USP28: variants seen among roughly 807,000 people sequenced by gnomAD.
USP28 encodes the protein ubiquitin carboxyl-terminal hydrolase 28.
USP28 carries 113 observed loss-of-function variants against 145.0 expected under a neutral mutation model. That is an observed-to-expected ratio of 0.78 (90% confidence interval 0.67 to 0.91). The LOEUF (loss-of-function observed/expected upper bound fraction) is 0.91. USP28 is among the 40% of genes least tolerant of loss of function. USP28 has a pLI of 0.00. For missense variants in USP28, 1,201 were observed against 1,289.6 expected, an observed-to-expected ratio of 0.93 and a Z score of 1.05; for synonymous variants, 447 against 450.9, an observed-to-expected ratio of 0.99 and a Z score of 0.11.
chr11:113,870,473 G>A (rs1393951254), intron 1 of USP28, among the ~76,000 whole-genome samples: 4 of 152,262 alleles, frequency 2.6e-5, no homozygotes, highest in Non-Finnish European at 5.9e-5. Flanking sequence ...GCCAAAGTGA[G>A]CTATAATCAC....
At chr11:113,805,010 C>T (rs1189737696) in exon 20 of USP28, 1 of 1,613,898 alleles carries the variant, frequency 6.2e-7, no homozygotes, top group Non-Finnish European at 8.5e-7. Flanking sequence ...GTCTCTTTGG[C>T]AAGCTGATAG....
chr11:113,845,848 C>CACAG (rs1365829207), intron 3 of USP28, among the ~76,000 whole-genome samples: 1 of 152,134 alleles, frequency 6.6e-6, no homozygotes, highest in Non-Finnish European at 1.5e-5. Context: ...GTGCTGGGAT[C>CACAG]ACAGATATGA....
chr11:113,806,702 C>T, intron 18 of USP28, 118 bp from the exon 20 acceptor site: 1 of 637,964 alleles, frequency 1.6e-6, no homozygotes, highest in Non-Finnish European at 2.6e-6. Flanking sequence ...TGCTCTTTGG[C>T]CAGCATGTAT....
intron 3 of USP28, among the ~76,000 whole-genome samples, chr11:113,851,979 T>C (rs1461731256): frequency 6.6e-6 from 1 of 152,200 alleles, no homozygotes; most frequent in African/African-American, 2.4e-5. Context: ...TGGCACATAG[T>C]TGGTCCTCAC....
At chr11:113,872,987 G>A (rs1029775511) in intron 1 of USP28, among the ~76,000 whole-genome samples, 12 of 152,174 alleles carry the variant, frequency 7.9e-5, no homozygotes. Flanking sequence ...GGCCATAAAG[G>A]GTTTTGTCTG....
chr11:113,831,394 C>T (rs1039870507), intron 8 of USP28, among the ~76,000 whole-genome samples: 12 of 152,316 alleles, frequency 7.9e-5, no homozygotes, highest in African/African-American at 2.2e-4. Context: ...TAAATTGCTA[C>T]GTTGAGTTGC....
chr11:113,808,570 G>C, intron 17 of USP28, 133 bp from the exon 18 acceptor site: 1 of 907,966 alleles, frequency 1.1e-6, no homozygotes, highest in Non-Finnish European at 1.5e-6. Context: ...AGCCTATGCA[G>C]ATTTTCCCTA....
intron 12 of USP28, among the ~76,000 whole-genome samples, chr11:113,822,233 C>T (rs974285540): frequency 7.9e-5 from 12 of 152,086 alleles, no homozygotes; most frequent in Admixed American, 2.0e-4. Flanking sequence ...AGGTGGATCA[C>T]GAGGTCAGGA....
intron 3 of USP28, among the ~76,000 whole-genome samples, chr11:113,850,113 A>T (rs1033628081): frequency 6.6e-6 from 1 of 152,150 alleles, no homozygotes; most frequent in African/African-American, 2.4e-5. Context: ...CCAATCTAAG[A>T]TAACAAATTT....
intron 3 of USP28, among the ~76,000 whole-genome samples, chr11:113,842,800 A>C (rs1328815078): frequency 6.6e-6 from 1 of 152,230 alleles, no homozygotes; most frequent in Non-Finnish European, 1.5e-5. Context: ...GCTGAGAAAA[A>C]GTATCCATGA....
intron 15 of USP28, among the ~76,000 whole-genome samples, chr11:113,813,497 T>C (rs573625482): frequency 6.6e-6 from 1 of 152,342 alleles, no homozygotes; most frequent in East Asian, 1.9e-4. Context: ...CTTGAACGCA[T>C]GTTGTTAAAT....
intron 19 of USP28, 151 bp from the exon 21 acceptor site, chr11:113,805,197 G>T: frequency 1.5e-5 from 11 of 712,376 alleles, no homozygotes; most frequent in Admixed American, 3.5e-5. Flanking sequence ...GAATTTTTAA[G>T]TTTCTTGCAT....
At chr11:113,821,257 G>T (rs1942554686) in intron 12 of USP28, 1 of 220,934 alleles carries the variant, frequency 4.5e-6, no homozygotes, top group East Asian at 1.1e-4. Flanking sequence ...GTGTGGCCAG[G>T]GGGAAGGATG....
At chr11:113,867,288 CAG>C (rs1051280262) in intron 1 of USP28, among the ~76,000 whole-genome samples, 5 of 151,202 alleles carry the variant, frequency 3.3e-5, no homozygotes, top group Non-Finnish European at 7.4e-5. Flanking sequence ...TTTTTGGAGA[CAG>C]AGTTTTACTC....
intron 3 of USP28, among the ~76,000 whole-genome samples, chr11:113,851,602 C>CT (rs568376365): frequency 6.6e-6 from 1 of 152,136 alleles, no homozygotes; most frequent in Non-Finnish European, 1.5e-5. Context: ...TCAAGACCAG[C>CT]TGGCCAACAT....
At chr11:113,875,467 C>T (rs1178677375) in exon 1 of USP28, 19 of 1,237,332 alleles carry the variant, frequency 1.5e-5, no homozygotes, top group Non-Finnish European at 1.9e-5. Flanking sequence ...GTCTGCCGCG[C>T]CGGCCGCGTC....
chr11:113,798,872 TTC>T (rs1283440073), exon 25 of USP28: 1 of 156,098 alleles, frequency 6.4e-6, no homozygotes. Context: ...CTGGTTCAGG[TTC>T]TCATGAATCA....
At chr11:113,874,942 A>C in intron 1 of USP28, 4 of 403,170 alleles carry the variant, frequency 9.9e-6, no homozygotes, top group Non-Finnish European at 1.0e-5. Context: ...CCGGGTTGGG[A>C]GGGAGGGAAG....
chr11:113,816,115 A>C (rs1184618163), intron 13 of USP28, among the ~76,000 whole-genome samples: 1 of 152,222 alleles, frequency 6.6e-6, no homozygotes, highest in Non-Finnish European at 1.5e-5. Flanking sequence ...GTAAAACTGC[A>C]GGTCAACAAA....
Sources: gnomAD v4.1 joint callset for allele counts (sites outside exome capture counted in the v4.1 genomes callset) on GRCh38, gnomAD v4.1.1 for gene constraint, MANE v1.5 for transcripts, NCBI Gene and HGNC (gene_info 2026-07-23, HGNC 2026-07-21) for gene names.